Variants in PLPPR1 observed in about 807,000 individuals in gnomAD.
PLPPR1 encodes the protein phospholipid phosphatase-related protein type 1.
A neutral mutation model predicts 33.1 loss-of-function variants in PLPPR1; 10 were observed. The observed-to-expected ratio is 0.30, with a 90% confidence interval of 0.19 to 0.51. The LOEUF is 0.51. Among genes scored for constraint, PLPPR1 ranks in the 20% least tolerant of loss-of-function variants. The pLI, the probability that PLPPR1 is intolerant of heterozygous loss-of-function variation, is 0.97. For missense variants in PLPPR1, 304 were observed against 408.1 expected (o/e 0.74, Z 2.20); for synonymous variants, 151 against 151.0 (o/e 1.00, Z 0.00).
At chr9:101,124,463 TG>T (rs1191669524) in intron 1 of PLPPR1, among the ~76,000 whole-genome samples, 1 of 152,240 alleles carries the variant, frequency 6.6e-6, no homozygotes, top group African/African-American at 2.4e-5. Context: ...TTTCTTGATC[TG>T]TTCCCATGTC....
chr9:101,321,644 C>T (rs1380716658), intron 7 of PLPPR1, among the ~76,000 whole-genome samples: 1 of 151,684 alleles, frequency 6.6e-6, no homozygotes, highest in Non-Finnish European at 1.5e-5. Flanking sequence ...TTTCTAATAA[C>T]AAAAATTAAA....
At chr9:101,188,929 G>A (rs1429670910) in intron 2 of PLPPR1, among the ~76,000 whole-genome samples, 2 of 151,680 alleles carry the variant, frequency 1.3e-5, no homozygotes, top group Admixed American at 1.3e-4. Context: ...GAATTTACCT[G>A]TATTCATCAG....
At chr9:101,071,624 G>C (rs575709223) in intron 1 of PLPPR1, among the ~76,000 whole-genome samples, 12 of 151,764 alleles carry the variant, frequency 7.9e-5, no homozygotes, top group South Asian at 6.3e-4. Flanking sequence ...GAGAGAGAGA[G>C]AGACAGACAG....
At chr9:101,188,320 T>G (rs1259118547) in intron 2 of PLPPR1, among the ~76,000 whole-genome samples, 1 of 152,104 alleles carries the variant, frequency 6.6e-6, no homozygotes, top group Admixed American at 6.6e-5. Flanking sequence ...TCTGCTGCAT[T>G]ATAGAAGCAA....
In PLPPR1 at chr9:101,028,749, T is replaced by A. The variant is rs75870529; in HGVS notation, c.-399T>A. Reference sequence around the variant, plus strand: ...GCCAGCCTTTTGCTCTTTCCTTTCATTAAACAAACAGGAGATCCTGAAACC... The same window carrying A: ...GCCAGCCTTTTGCTCTTTCCTTTCAATAAACAAACAGGAGATCCTGAAACC... On this transcript the variant is annotated 5_prime_UTR_variant, in exon 1 of 8. Transcript: ENST00000374874. 6.6e-6 allele frequency: 1 copy of A among 152,444 alleles called. No individual in the cohort carries two copies. Among genetic ancestry groups the A allele is most frequent in the South Asian group, 2.1e-4 (1 of 4,836 alleles). The allele number at this position is 152,444 out of a possible 1,614,324, so 9.4% of individuals were successfully genotyped here.
intron 4 of PLPPR1, among the ~76,000 whole-genome samples, chr9:101,297,176 A>C (rs942944549): frequency 6.6e-6 from 1 of 152,172 alleles, no homozygotes; most frequent in South Asian, 2.1e-4. Flanking sequence ...ATTTTTTATC[A>C]TGAATATGTT....
intron 1 of PLPPR1, among the ~76,000 whole-genome samples, chr9:101,153,236 C>A (rs577857001): frequency 3.3e-5 from 5 of 152,278 alleles, no homozygotes; most frequent in African/African-American, 1.2e-4. Context: ...GATTTTTGCA[C>A]ATTGATTTTG....
intron 1 of PLPPR1, among the ~76,000 whole-genome samples, chr9:101,044,192 T>C (rs1830118062): frequency 6.6e-6 from 1 of 151,954 alleles, no homozygotes; most frequent in Non-Finnish European, 1.5e-5. Flanking sequence ...AAACAAACAA[T>C]ACCATCAAAA....
At chr9:101,092,198 T>A (rs1830750096) in intron 1 of PLPPR1, among the ~76,000 whole-genome samples, 1 of 152,230 alleles carries the variant, frequency 6.6e-6, no homozygotes, top group Non-Finnish European at 1.5e-5. Context: ...CTCTTTCAGG[T>A]GTCATTTTAA....
intron 1 of PLPPR1, among the ~76,000 whole-genome samples, chr9:101,037,083 T>C (rs1218066719): frequency 6.6e-6 from 1 of 152,102 alleles, no homozygotes; most frequent in African/African-American, 2.4e-5. Context: ...AGATGAGAGC[T>C]TCAGCAGCTT....
At chr9:101,212,201 G>T (rs566850164) in intron 2 of PLPPR1, among the ~76,000 whole-genome samples, 1 of 152,148 alleles carries the variant, frequency 6.6e-6, no homozygotes, top group Admixed American at 6.5e-5. Context: ...TCCTGCCTCA[G>T]CCTCCCTAGT....
At chr9:101,212,762 A>C (rs1231807209) in intron 2 of PLPPR1, among the ~76,000 whole-genome samples, 1 of 152,198 alleles carries the variant, frequency 6.6e-6, no homozygotes, top group East Asian at 1.9e-4. Flanking sequence ...CTATATTGAA[A>C]GGAATGAGAG....
rs1554736554 is a variant in PLPPR1 at position 101,203,718 on chromosome 9, T to TTATATAGATATGTTATATATCTGTCTATA, written c.63+18183_63+18184insGTCTATATATATAGATATGTTATATATCT. On this transcript the variant is annotated intron_variant, in intron 2 of 7. Coordinates refer to ENST00000374874, the MANE Select transcript of PLPPR1 (RefSeq NM_207299.2). Reference sequence around the variant, plus strand: ...GATACATTATATATCTATATACACATTATATAGATATGTTATATATCTATC... The same window carrying TTATATAGATATGTTATATATCTGTCTATA: ...GATACATTATATATCTATATACACATTATATAGATATGTTATATATCTGTCTATATATATAGATATGTTATATATCTATC... Among the ~76,000 whole-genome samples, 95 of 145,052 alleles carry TTATATAGATATGTTATATATCTGTCTATA rather than the reference T, an allele frequency of 6.5e-4. 1 individual carries two copies. The highest frequency in any genetic ancestry group is 3.6e-3 in the Middle Eastern group (1 of 274).
At chr9:101,273,454 A>G (rs577316263) in intron 3 of PLPPR1, among the ~76,000 whole-genome samples, 6 of 152,196 alleles carry the variant, frequency 3.9e-5, no homozygotes, top group Non-Finnish European at 8.8e-5. Flanking sequence ...TCTGAAATGT[A>G]TGTAGCCCCC....
chr9:101,265,219 T>C (rs1827966617), intron 2 of PLPPR1, among the ~76,000 whole-genome samples: 1 of 152,224 alleles, frequency 6.6e-6, no homozygotes, highest in Non-Finnish European at 1.5e-5. Context: ...TGCTGGATTC[T>C]GCCTTCTGAA....
At chr9:101,242,173 G>T (rs931805454) in intron 2 of PLPPR1, among the ~76,000 whole-genome samples, 1 of 152,004 alleles carries the variant, frequency 6.6e-6, no homozygotes, top group African/African-American at 2.4e-5. Flanking sequence ...GAAAATGAGT[G>T]AGTGACTTTG....
At chr9:101,218,778 G>A (rs1418022761) in intron 2 of PLPPR1, among the ~76,000 whole-genome samples, 1 of 152,088 alleles carries the variant, frequency 6.6e-6, no homozygotes, top group Non-Finnish European at 1.5e-5. Context: ...AATCTTGGCA[G>A]GTAGCAAACT....
chr9:101,221,059 T>G (rs1025937330), intron 2 of PLPPR1, among the ~76,000 whole-genome samples: 1 of 152,190 alleles, frequency 6.6e-6, no homozygotes, highest in Non-Finnish European at 1.5e-5. Flanking sequence ...CCCCTCTCCC[T>G]GTTCTATTTT....
chr9:101,274,926 G>T (rs1366962162), intron 3 of PLPPR1, among the ~76,000 whole-genome samples: 1 of 152,152 alleles, frequency 6.6e-6, no homozygotes, highest in Non-Finnish European at 1.5e-5. Flanking sequence ...CTAAGCACCT[G>T]CCAGTTCTCA....
Sources: allele counts gnomAD v4.1 joint callset (sites outside exome capture counted in the v4.1 genomes callset), GRCh38; gene constraint gnomAD v4.1.1; transcripts MANE v1.5; gene names NCBI Gene and HGNC (gene_info 2026-07-23, HGNC 2026-07-21).